DLG2: variants seen among roughly 807,000 people sequenced by gnomAD.
DLG2 encodes the protein disks large homolog 2.
Under a neutral mutation model 132.5 loss-of-function variants are expected in DLG2, and 45 were observed. That is an observed-to-expected ratio of 0.34 (90% CI 0.27 to 0.44). The LOEUF (loss-of-function observed/expected upper bound fraction) is 0.44. Among genes scored for constraint, DLG2 ranks in the 20% least tolerant of loss-of-function variants. The pLI is 1.00. For synonymous variants in DLG2, 424 were observed against 419.6 expected (o/e 1.01, Z -0.13); for missense variants, 1,045 against 1,196.9 (o/e 0.87, Z 1.87).
intron 8 of DLG2, among the ~76,000 whole-genome samples, chr11:84,198,407 T>G (rs888291468): frequency 6.6e-6 from 1 of 152,156 alleles, no homozygotes; most frequent in Non-Finnish European, 1.5e-5. Context: ...AAATATATTT[T>G]ATAAAAGGAA....
At chr11:85,359,089 G>T (rs1426856008) in intron 3 of DLG2, among the ~76,000 whole-genome samples, 10 of 152,096 alleles carry the variant, frequency 6.6e-5, no homozygotes, top group Admixed American at 6.6e-4. Flanking sequence ...ATCTTCCCTA[G>T]ACTATGCAAA....
chr11:85,420,067 G>C (rs924987091), intron 3 of DLG2, among the ~76,000 whole-genome samples: 15 of 152,180 alleles, frequency 9.9e-5, no homozygotes, highest in Admixed American at 2.6e-4. Flanking sequence ...CATTTTCATG[G>C]ATTTATCTAC....
intron 6 of DLG2, among the ~76,000 whole-genome samples, chr11:84,867,339 C>T (rs2084730342): frequency 6.6e-6 from 1 of 152,170 alleles, no homozygotes; most frequent in South Asian, 2.1e-4. Flanking sequence ...GTATGGACTC[C>T]TTTAGCTTGT....
chr11:84,575,250 C>T (rs1451941311), intron 6 of DLG2, among the ~76,000 whole-genome samples: 1 of 152,110 alleles, frequency 6.6e-6, no homozygotes, highest in South Asian at 2.1e-4. Context: ...CTCCACATTT[C>T]TAGCTTAATC....
At chr11:85,592,200 A>G (rs2079402093) in intron 3 of DLG2, among the ~76,000 whole-genome samples, 1 of 152,244 alleles carries the variant, frequency 6.6e-6, no homozygotes, top group Non-Finnish European at 1.5e-5. Flanking sequence ...AATAGCATCC[A>G]TCTGCATAAG....
intron 3 of DLG2, among the ~76,000 whole-genome samples, chr11:85,359,820 T>C (rs931617941): frequency 6.6e-6 from 1 of 151,976 alleles, no homozygotes; most frequent in Non-Finnish European, 1.5e-5. Flanking sequence ...GAATACATTA[T>C]AGCACAAAAA....
chr11:84,358,750 T>C (rs1452610249), intron 7 of DLG2, among the ~76,000 whole-genome samples: 2 of 151,960 alleles, frequency 1.3e-5, no homozygotes, highest in African/African-American at 4.8e-5. Context: ...TTATGTGTAA[T>C]ACCATTAGAA....
At chr11:83,469,442 C>G in intron 24 of DLG2, 69 bp from the exon 25 acceptor site, 2 of 1,138,624 alleles carry the variant, frequency 1.8e-6, no homozygotes, top group South Asian at 3.0e-5. Context: ...CACCTATATT[C>G]TCCACCACAT....
At chr11:84,436,669 C>T (rs1449631976) in intron 7 of DLG2, among the ~76,000 whole-genome samples, 3 of 152,120 alleles carry the variant, frequency 2.0e-5, no homozygotes, top group Non-Finnish European at 4.4e-5. Flanking sequence ...TATCTCCAAG[C>T]ATGTAATATA....
intron 16 of DLG2, among the ~76,000 whole-genome samples, chr11:83,838,321 C>T (rs932463829): frequency 1.3e-5 from 2 of 152,032 alleles, no homozygotes; most frequent in African/African-American, 4.8e-5. Flanking sequence ...TTAAACTTTT[C>T]CTTATGTTTG....
At chr11:84,232,679 A>G (rs2097109090) in intron 8 of DLG2, among the ~76,000 whole-genome samples, 1 of 152,326 alleles carries the variant, frequency 6.6e-6, no homozygotes, top group South Asian at 2.1e-4. Flanking sequence ...TCTGCAAACC[A>G]GCAAGACAGG....
intron 4 of DLG2, among the ~76,000 whole-genome samples, chr11:85,200,947 T>G (rs1352944261): frequency 2.0e-5 from 3 of 152,100 alleles, no homozygotes; most frequent in Non-Finnish European, 4.4e-5. Context: ...CTCCAGCTCC[T>G]TCTGCTGCAG....
At chr11:84,607,899 A>G (rs2154536343) in intron 6 of DLG2, among the ~76,000 whole-genome samples, 1 of 152,276 alleles carries the variant, frequency 6.6e-6, no homozygotes, top group Middle Eastern at 3.4e-3. Flanking sequence ...TTGTCCTCTG[A>G]GATAAGAATA....
intron 22 of DLG2, among the ~76,000 whole-genome samples, chr11:83,480,998 A>ATCTT (rs2093056775): frequency 6.6e-6 from 1 of 152,098 alleles, no homozygotes; most frequent in Non-Finnish European, 1.5e-5. Context: ...TGAGTTGAAA[A>ATCTT]TCTTTGAGGA....
intron 16 of DLG2, among the ~76,000 whole-genome samples, chr11:83,835,073 C>T (rs2055751302): frequency 6.6e-6 from 1 of 152,192 alleles, no homozygotes; most frequent in African/African-American, 2.4e-5. Flanking sequence ...GTGTAAAGTG[C>T]ACCTCACAAC....
chr11:83,464,748 A>AT (rs2090692531), intron 26 of DLG2, among the ~76,000 whole-genome samples: 2 of 152,170 alleles, frequency 1.3e-5, no homozygotes. Context: ...CACCGGACCA[A>AT]ATGTGCCACT....
At chr11:84,687,711 G>C (rs2099739328) in intron 6 of DLG2, among the ~76,000 whole-genome samples, 1 of 152,004 alleles carries the variant, frequency 6.6e-6, no homozygotes, top group South Asian at 2.1e-4. Flanking sequence ...CTACCTATCA[G>C]GTTTCATTTG....
intron 6 of DLG2, among the ~76,000 whole-genome samples, chr11:85,017,147 C>G (rs2059642437): frequency 6.6e-6 from 1 of 152,140 alleles, no homozygotes; most frequent in South Asian, 2.1e-4. Flanking sequence ...GTCCTGATCT[C>G]TGATTTATAT....
chr11:83,936,057 A>G (rs2081359398), intron 14 of DLG2, among the ~76,000 whole-genome samples: 1 of 152,222 alleles, frequency 6.6e-6, no homozygotes, highest in Non-Finnish European at 1.5e-5. Flanking sequence ...ACTCGAGCTC[A>G]CAAGGATGCA....
Sources: allele counts gnomAD v4.1 joint callset (sites outside exome capture counted in the v4.1 genomes callset), GRCh38; gene constraint gnomAD v4.1.1; transcripts MANE v1.5; gene names NCBI Gene and HGNC (gene_info 2026-07-23, HGNC 2026-07-21).